PIP4K2A: variants seen among roughly 807,000 people sequenced by gnomAD.
The protein encoded by PIP4K2A is phosphatidylinositol-5-phosphate 4-kinase type 2 alpha, also known as phosphatidylinositol 5-phosphate 4-kinase type-2 alpha.
A neutral mutation model predicts 42.9 loss-of-function variants in PIP4K2A; 14 were observed. The ratio of observed to expected loss-of-function variants is 0.33; its 90% CI spans 0.22 to 0.51. The LOEUF (loss-of-function observed/expected upper bound fraction) is 0.51. Ranked by LOEUF, PIP4K2A falls within the 20% of genes least tolerant of loss-of-function variation. PIP4K2A has a pLI of 0.97. For synonymous variants in PIP4K2A, 192 were observed against 192.2 expected, an observed-to-expected ratio of 1.00 and a Z score of 0.01; for missense variants, 434 against 519.8, an observed-to-expected ratio of 0.83 and a Z score of 1.61.
At chr10:22,548,472 T>C (rs1210176613) in intron 7 of PIP4K2A, among the ~76,000 whole-genome samples, 1 of 152,178 alleles carries the variant, frequency 6.6e-6, no homozygotes, top group Non-Finnish European at 1.5e-5. Flanking sequence ...TTTTAATAGG[T>C]CACAGATAAC....
intron 1 of PIP4K2A, among the ~76,000 whole-genome samples, chr10:22,662,688 T>C (rs190421571): frequency 6.6e-6 from 1 of 152,082 alleles, no homozygotes; most frequent in East Asian, 1.9e-4. Context: ...TTGAAAAAAC[T>C]CACAGGCACT....
intron 6 of PIP4K2A, among the ~76,000 whole-genome samples, chr10:22,555,010 G>C: frequency 6.6e-6 from 1 of 152,208 alleles, no homozygotes; most frequent in Middle Eastern, 3.2e-3. Flanking sequence ...ATTCATCTCC[G>C]CTAATGTGAC....
At chr10:22,688,390 C>T (rs555144701) in intron 1 of PIP4K2A, among the ~76,000 whole-genome samples, 21 of 152,304 alleles carry the variant, frequency 1.4e-4, no homozygotes, top group East Asian at 7.7e-4. Context: ...AATTTCCTTA[C>T]GTGGTTCTTT....
chr10:22,674,956 G>A (rs758735317), intron 1 of PIP4K2A, among the ~76,000 whole-genome samples: 9 of 150,984 alleles, frequency 6.0e-5, no homozygotes, highest in South Asian at 4.2e-4. Context: ...AAACAAGACC[G>A]TAGGATTCTG....
At position 22,714,180 on chromosome 10, in the gene PIP4K2A, T is replaced by C; in HGVS notation, c.144+3A>G. The C allele has an allele frequency of 1.9e-6, 3 of 1,605,178 alleles. No homozygotes were observed. The highest frequency in any genetic ancestry group is 2.6e-6 in the Non-Finnish European group (3 of 1,175,060). On this transcript the variant is annotated splice_donor_region_variant and intron_variant, in intron 1 of 9. Transcript: ENST00000376573. ...GGACCGCGCGCCGCAGCTGAGCCCT[T>C]ACCGAGTGGTTTACCCCCCACATGA...
chr10:22,658,749 CATTTTACATACATG>C (rs1264934213), intron 1 of PIP4K2A, among the ~76,000 whole-genome samples: 1 of 152,198 alleles, frequency 6.6e-6, no homozygotes, highest in Non-Finnish European at 1.5e-5. Context: ...ATGTCACAGG[CATTTTACATACATG>C]ATCTCAAAAA....
In PIP4K2A at chr10:22,714,252, C is replaced by A; in HGVS notation, c.75G>T (p.Ala25=). ...KTKTKKKHFV[A]QKVKLFRASD... ...TGGCCCGAAACAGCTTCACTTTCTG[C>A]GCTACGAAGTGCTTCTTCTTGGTCT... Residue 25 remains alanine, a synonymous_variant, in exon 1 of 10, where the codon GCG becomes GCT. Coordinates refer to ENST00000376573, the MANE Select transcript of PIP4K2A (RefSeq NM_005028.5). The A allele has an allele frequency of 6.2e-7, 1 of 1,612,520 alleles. No homozygotes were observed. The highest frequency in any genetic ancestry group is 1.3e-5 in the African/African-American group (1 of 74,884).
intron 1 of PIP4K2A, among the ~76,000 whole-genome samples, chr10:22,644,248 T>C (rs1311702117): frequency 6.6e-6 from 1 of 152,024 alleles, no homozygotes; most frequent in Admixed American, 6.6e-5. Context: ...CACCCTGCAG[T>C]CAAGTCTTCA....
intron 4 of PIP4K2A, among the ~76,000 whole-genome samples, chr10:22,583,088 G>T (rs144079414): frequency 6.6e-6 from 1 of 152,116 alleles, no homozygotes; most frequent in African/African-American, 2.4e-5. Flanking sequence ...TACATACACG[G>T]ATGTGCCTCA....
intron 1 of PIP4K2A, among the ~76,000 whole-genome samples, chr10:22,704,134 T>C (rs564091917): frequency 6.6e-6 from 1 of 152,172 alleles, no homozygotes; most frequent in African/African-American, 2.4e-5. Flanking sequence ...TAAAATGGTA[T>C]AAAAAGCCAT....
intron 9 of PIP4K2A, chr10:22,539,608 G>T (rs983128226): frequency 6.2e-5 from 12 of 193,214 alleles, no homozygotes; most frequent in Non-Finnish European, 9.6e-5. Flanking sequence ...AAACAAAAAA[G>T]AATTTGTGTA....
At chr10:22,547,717 G>A (rs1836292135) in intron 7 of PIP4K2A, among the ~76,000 whole-genome samples, 1 of 152,166 alleles carries the variant, frequency 6.6e-6, no homozygotes, top group South Asian at 2.1e-4. Context: ...GGAGAGACCA[G>A]GGTTGATTCT....
Position 22,625,556 on chromosome 10 carries a change from A to C in PIP4K2A, c.145-15839T>G, listed in dbSNP as rs188419029. The stretch of plus-strand genomic sequence containing the variant: ...ATGTTTTCAAAATACACCTATCTTT[A>C]TGCATCTATTACCCCAGGGATGAGG... On this transcript the variant is annotated intron_variant, in intron 1 of 9. Transcript: ENST00000376573. 2.0e-5 allele frequency among the ~76,000 whole-genome samples: 3 copies of C among 152,306 alleles called. No homozygotes were observed. In the East Asian group the frequency reaches 5.8e-4, roughly 29 times the overall value.
At chr10:22,608,929 A>G (rs530067826) in intron 2 of PIP4K2A, among the ~76,000 whole-genome samples, 1 of 152,192 alleles carries the variant, frequency 6.6e-6, no homozygotes, top group African/African-American at 2.4e-5. Flanking sequence ...GGTTCACCCT[A>G]ATCATTCAGA....
chr10:22,589,866 T>C (rs997423475), intron 4 of PIP4K2A, among the ~76,000 whole-genome samples: 3 of 152,208 alleles, frequency 2.0e-5, no homozygotes, highest in African/African-American at 7.2e-5. Context: ...CTTTGGGGGA[T>C]TGGGAGCTAT....
intron 3 of PIP4K2A, among the ~76,000 whole-genome samples, chr10:22,596,675 C>T (rs72816849): frequency 0.011 from 1,600 of 152,326 alleles, 19 homozygotes; most frequent in Middle Eastern, 0.061. Flanking sequence ...CAGGTGCCCC[C>T]GAGGGGTCCC....
At chr10:22,609,775 ACTTGAATGTGTAC>A in intron 1 of PIP4K2A, 58 bp from the exon 2 acceptor site, 1 of 1,013,374 alleles carries the variant, frequency 9.9e-7, no homozygotes, top group Non-Finnish European at 1.5e-6. Flanking sequence ...GGAGGACTTG[ACTTGAATGTGTAC>A]CTTGGGAAAA....
chr10:22,709,666 C>T (rs1312810320), intron 1 of PIP4K2A, among the ~76,000 whole-genome samples: 1 of 152,130 alleles, frequency 6.6e-6, no homozygotes, highest in African/African-American at 2.4e-5. Flanking sequence ...AGTTTAGTAA[C>T]TGTAAGTACT....
intron 1 of PIP4K2A, among the ~76,000 whole-genome samples, chr10:22,640,743 T>G (rs527348479): frequency 6.6e-6 from 1 of 152,334 alleles, no homozygotes; most frequent in African/African-American, 2.4e-5. Context: ...TGACACTACG[T>G]TGCTTAAACA....
Sources: allele counts gnomAD v4.1 joint callset (sites outside exome capture counted in the v4.1 genomes callset), GRCh38; gene constraint gnomAD v4.1.1; transcripts MANE v1.5; gene names NCBI Gene and HGNC (gene_info 2026-07-23, HGNC 2026-07-21).